PRSS23: variants seen among roughly 807,000 people sequenced by gnomAD.
The protein encoded by PRSS23 is serine protease 23, also known as protease, serine 23.
In PRSS23, 25 loss-of-function variants were observed where a neutral mutation model predicts 34.7. The ratio of observed to expected loss-of-function variants is 0.72; its 90% CI spans 0.53 to 1.01. The LOEUF (loss-of-function observed/expected upper bound fraction) is 1.01, where lower values mean the gene tolerates loss of function less well. Ranked by LOEUF, PRSS23 falls within the 50% of genes least tolerant of loss-of-function variation. The pLI is 0.00. For missense variants in PRSS23, 445 were observed against 475.6 expected (o/e 0.94, Z 0.60); for synonymous variants, 176 against 186.6 (o/e 0.94, Z 0.46).
chr11:86,811,993 A>G (rs1170993641), downstream of PRSS23, among the ~76,000 whole-genome samples: 1 of 152,118 alleles, frequency 6.6e-6, no homozygotes, highest in East Asian at 1.9e-4. Context: ...TGTTCTTGTC[A>G]TGAACCAGCT....
intron 2 of PRSS23, among the ~76,000 whole-genome samples, chr11:86,900,136 G>A (rs1448529785): frequency 6.6e-6 from 1 of 152,208 alleles, no homozygotes; most frequent in Non-Finnish European, 1.5e-5. Flanking sequence ...TGCCAAATGT[G>A]TTCTTTTCAC....
chr11:86,817,553 C>T (rs1367309783), intron 1 of PRSS23, among the ~76,000 whole-genome samples: 1 of 152,198 alleles, frequency 6.6e-6, no homozygotes, highest in Non-Finnish European at 1.5e-5. Flanking sequence ...TGGACCTGAA[C>T]ACCAATTAGA....
At chr11:86,935,706 C>A (rs1949157137) in intron 2 of PRSS23, 1 of 152,060 alleles carries the variant, frequency 6.6e-6, no homozygotes, top group South Asian at 2.1e-4. Context: ...TATAATAACA[C>A]TGAAGCCCAG....
At chr11:86,908,206 T>C (rs1267493600) in intron 2 of PRSS23, among the ~76,000 whole-genome samples, 2 of 152,228 alleles carry the variant, frequency 1.3e-5, no homozygotes, top group Non-Finnish European at 2.9e-5. Flanking sequence ...TTCTTTTTAA[T>C]AAATACCCAG....
At chr11:86,826,617 T>C (rs1396017574) in intron 2 of PRSS23, among the ~76,000 whole-genome samples, 1 of 152,230 alleles carries the variant, frequency 6.6e-6, no homozygotes, top group Non-Finnish European at 1.5e-5. Flanking sequence ...CAGTATGATA[T>C]TGGCTGTGGG....
intron 2 of PRSS23, among the ~76,000 whole-genome samples, chr11:86,906,066 AT>A (rs1483515598): frequency 3.3e-5 from 5 of 152,136 alleles, no homozygotes. Context: ...TGTGCTGAGA[AT>A]TCATTGCCTT....
chr11:86,936,502 G>A (rs1412269089), intron 2 of PRSS23: 1 of 152,142 alleles, frequency 6.6e-6, no homozygotes, highest in Non-Finnish European at 1.5e-5. Context: ...CCCGACCTCA[G>A]GTGATCCGAC....
chr11:86,926,128 C>T (rs954924554), intron 2 of PRSS23, among the ~76,000 whole-genome samples: 5 of 152,128 alleles, frequency 3.3e-5, no homozygotes, highest in Admixed American at 6.6e-5. Context: ...TTTGGGAGGC[C>T]GAGGTGGGTG....
chr11:86,872,937 G>T (rs1238897848), intron 2 of PRSS23, among the ~76,000 whole-genome samples: 1 of 152,052 alleles, frequency 6.6e-6, no homozygotes, highest in Non-Finnish European at 1.5e-5. Context: ...TATATCTAAA[G>T]ACTCTACCAC....
chr11:86,818,982 G>A (rs903743641), intron 1 of PRSS23, among the ~76,000 whole-genome samples: 2 of 152,152 alleles, frequency 1.3e-5, no homozygotes, highest in Non-Finnish European at 2.9e-5. Context: ...AGTGGTGCCA[G>A]GTAATCTGGT....
At chr11:86,861,430 T>C (rs1282768975) in intron 2 of PRSS23, among the ~76,000 whole-genome samples, 3 of 151,710 alleles carry the variant, frequency 2.0e-5, no homozygotes, top group Non-Finnish European at 4.4e-5. Flanking sequence ...GCAGGGGGTG[T>C]GCACCTCTCT....
intron 2 of PRSS23, among the ~76,000 whole-genome samples, chr11:86,841,066 G>A (rs571181751): frequency 2.0e-5 from 3 of 152,070 alleles, no homozygotes; most frequent in South Asian, 2.1e-4. Flanking sequence ...AAGGCCAGGC[G>A]AGGTGGCACA....
At chr11:86,795,573 C>T (rs536680907), upstream of PRSS23, among the ~76,000 whole-genome samples, 16 of 152,330 alleles carry the variant, frequency 1.1e-4, no homozygotes, top group African/African-American at 3.8e-4. Context: ...AGCTCAAAGA[C>T]TGTAACAGCA....
chr11:86,928,530 CCG>C (rs1161178868), intron 2 of PRSS23, among the ~76,000 whole-genome samples: 1 of 147,894 alleles, frequency 6.8e-6, no homozygotes, highest in African/African-American at 2.5e-5. Flanking sequence ...AAAACATTAG[CCG>C]AGCGTGGTGG....
rs746622437 is a variant in PRSS23, at chr11:86,951,592, G to A, written c.*307G>A. The A allele has an allele frequency of 1.5e-5, 24 of 1,613,886 alleles. No homozygotes were observed. Among genetic ancestry groups the A allele is most frequent in the Non-Finnish European group, 1.9e-5 (22 of 1,179,904 alleles). On this transcript the variant is annotated 3_prime_UTR_variant, in exon 3 of 3. Transcript: ENST00000533902. ...TAAAGAGGGGAGCCACCACGAACCC[G>A]GTGAGGGCATCGAGATTTTGGTTTC...
intron 2 of PRSS23, among the ~76,000 whole-genome samples, chr11:86,889,355 A>G (rs1182047334): frequency 1.3e-5 from 2 of 152,228 alleles, no homozygotes; most frequent in African/African-American, 2.4e-5. Flanking sequence ...AGACTGGGTC[A>G]TTTATAAAGA....
At position 86,808,521 on chromosome 11, in the gene PRSS23, G is replaced by T; in HGVS notation, c.878G>T (p.Arg293Leu). ...GACCGACCAGGCAATTTGGTGTATC[G>T]CTTCTGTGACGTCAAAGACGAGACC... is the stretch of plus-strand genomic sequence containing the variant. ...DNDRPGNLVY[R>L]FCDVKDETYD... Residue 293 changes from arginine (R) to leucine (L), a missense_variant, in exon 2 of 2, where the codon CGC becomes CTC. Arg to Leu is a moderately radical substitution (Grantham distance 102, BLOSUM62 -2). Transcript: ENST00000280258. 6.2e-7 allele frequency: 1 copy of T among 1,614,184 alleles called. No individual in the cohort carries two copies. Among genetic ancestry groups the T allele is most frequent in the Non-Finnish European group, 8.5e-7 (1 of 1,180,038 alleles).
chr11:86,944,990 T>C lies in PRSS23; in HGVS notation c.207-6226T>C, dbSNP rs192631144. ...TCACATCTGGGACATCAGCAGACGGTGATGGCTCTCCTTCCCTCTGTATGT... is the reference window on the plus strand; with the variant it reads ...TCACATCTGGGACATCAGCAGACGGCGATGGCTCTCCTTCCCTCTGTATGT... On this transcript the variant is annotated intron_variant, in intron 2 of 2. Coordinates refer to the PRSS23 transcript ENST00000533902. Among the ~76,000 whole-genome samples, 6 of 152,298 alleles carry C rather than the reference T, an allele frequency of 3.9e-5. No individual in the cohort carries two copies. The East Asian group carries it at 1.2e-3, about 29-fold the overall frequency.
At chr11:86,911,934 T>A (rs7925623) in intron 2 of PRSS23, 65,370 of 151,906 alleles carry the variant, frequency 0.43, 15,178 homozygotes, top group Non-Finnish European at 0.53. Flanking sequence ...TGTGCCACCA[T>A]GCCCAGCTAA....
Sources: gnomAD v4.1 joint callset for allele counts (sites outside exome capture counted in the v4.1 genomes callset) on GRCh38, gnomAD v4.1.1 for gene constraint, MANE v1.5 for transcripts, NCBI Gene and HGNC (gene_info 2026-07-23, HGNC 2026-07-21) for gene names.